EBF2: variants seen among roughly 807,000 people sequenced by gnomAD.
EBF2 encodes the protein transcription factor COE2.
In EBF2, 21 loss-of-function variants were observed where a neutral mutation model predicts 72.8. That is an observed-to-expected ratio of 0.29 (90% CI 0.20 to 0.42). EBF2 has a LOEUF of 0.42. EBF2 is among the 10% of genes least tolerant of loss of function. The pLI is 1.00. For synonymous variants in EBF2, 299 were observed against 274.2 expected (o/e 1.09, Z -0.89); for missense variants, 637 against 731.2 (o/e 0.87, Z 1.49).
At chr8:25,986,483 C>T (rs531611725) in intron 6 of EBF2, among the ~76,000 whole-genome samples, 18 of 152,298 alleles carry the variant, frequency 1.2e-4, no homozygotes, top group East Asian at 1.9e-4. Flanking sequence ...ATGTCCACCA[C>T]GGCACCAAAC....
chr8:26,016,838 C>G (rs1009957402), intron 6 of EBF2, among the ~76,000 whole-genome samples: 1 of 152,252 alleles, frequency 6.6e-6, no homozygotes, highest in South Asian at 2.1e-4. Context: ...TGGTTAAGGT[C>G]ATCACTTTTG....
Position 26,045,403 on chromosome 8 carries a change from A to T in EBF2, c.-544T>A, listed in dbSNP as rs550861191. The T allele has an allele frequency of 1.3e-5, 2 of 152,378 alleles. No homozygotes were observed. The highest frequency in any genetic ancestry group is 4.1e-4 in the South Asian group (2 of 4,828). The allele number at this position is 152,378 out of a possible 1,614,324, so 9.4% of individuals were successfully genotyped here. On this transcript the variant is annotated 5_prime_UTR_variant, in exon 1 of 16. Transcript: ENST00000520164. Reference sequence around the variant, plus strand: ...CGCGCGCGGGCCCCATGAATGGGTTACTACGGCCCTGGCTGCGGGAGGCGG... The same window carrying T: ...CGCGCGCGGGCCCCATGAATGGGTTTCTACGGCCCTGGCTGCGGGAGGCGG...
chr8:26,009,423 G>T (rs1279457149), intron 6 of EBF2, among the ~76,000 whole-genome samples: 1 of 152,136 alleles, frequency 6.6e-6, no homozygotes, highest in Non-Finnish European at 1.5e-5. Context: ...ACAAATAACT[G>T]CAAGAATCAG....
chr8:25,892,708 A>C (rs1276054166), intron 7 of EBF2, among the ~76,000 whole-genome samples: 1 of 152,250 alleles, frequency 6.6e-6, no homozygotes, highest in Admixed American at 6.5e-5. Context: ...TGGTGGTAAC[A>C]TATGCAAAAT....
At chr8:25,931,892 A>G (rs1274286600) in intron 6 of EBF2, among the ~76,000 whole-genome samples, 10 of 151,186 alleles carry the variant, frequency 6.6e-5, no homozygotes, top group Admixed American at 6.6e-4. Flanking sequence ...TGAGCTTATT[A>G]TTAAATATAT....
chr8:25,857,228 C>T (rs986379376), intron 14 of EBF2, among the ~76,000 whole-genome samples: 4 of 152,188 alleles, frequency 2.6e-5, no homozygotes, highest in African/African-American at 4.8e-5. Flanking sequence ...TACTACCCTT[C>T]GCTGCTTGGT....
At chr8:25,860,934 CCTAT>C in intron 13 of EBF2, 111 bp downstream of exon 13, 2 of 1,099,834 alleles carry the variant, frequency 1.8e-6, no homozygotes, top group Non-Finnish European at 2.7e-6. Context: ...GATTGTATTG[CCTAT>C]CTGTGGACAC....
At chr8:25,963,791 A>C (rs964013211) in intron 6 of EBF2, among the ~76,000 whole-genome samples, 5 of 152,206 alleles carry the variant, frequency 3.3e-5, no homozygotes, top group Non-Finnish European at 5.9e-5. Flanking sequence ...ATTGAATGGA[A>C]TATGTGGATT....
chr8:25,940,681 G>C (rs1803654693), intron 6 of EBF2, among the ~76,000 whole-genome samples: 1 of 151,324 alleles, frequency 6.6e-6, no homozygotes, highest in Non-Finnish European at 1.5e-5. Context: ...TCTTCTTAGT[G>C]GGCCATCCAA....
At chr8:25,962,259 A>C (rs1239121228) in intron 6 of EBF2, among the ~76,000 whole-genome samples, 1 of 152,162 alleles carries the variant, frequency 6.6e-6, no homozygotes, top group Non-Finnish European at 1.5e-5. Flanking sequence ...TGTAAGCAAT[A>C]TGAGTGCAGG....
intron 6 of EBF2, among the ~76,000 whole-genome samples, chr8:25,989,606 A>G (rs896713940): frequency 6.6e-6 from 1 of 152,230 alleles, no homozygotes; most frequent in Non-Finnish European, 1.5e-5. Flanking sequence ...ATTCAGATAC[A>G]TGACAACGCA....
intron 6 of EBF2, among the ~76,000 whole-genome samples, chr8:25,996,836 G>A (rs995706308): frequency 6.6e-6 from 1 of 152,122 alleles, no homozygotes; most frequent in Non-Finnish European, 1.5e-5. Context: ...TACCTCATTA[G>A]TAATGAAAAA....
rs180769469 is a variant in EBF2, at chr8:26,038,230, T to C, written c.482+1798A>G. Among the ~76,000 whole-genome samples the C allele has an allele frequency of 7.9e-5, 12 of 152,370 alleles. No individual in the cohort carries two copies. The East Asian group carries it at 2.1e-3, about 27-fold the overall frequency. ...GTATCCATCCAATGGATCATTTATT[T>C]ACACATAATTAATATTTATTTTAAA... is the stretch of plus-strand genomic sequence containing the variant. On this transcript the variant is annotated intron_variant, in intron 5 of 15. Coordinates refer to ENST00000520164, the MANE Select transcript of EBF2 (RefSeq NM_022659.4).
chr8:25,887,716 A>T, intron 9 of EBF2, 126 bp downstream of exon 9: 3 of 1,165,894 alleles, frequency 2.6e-6, no homozygotes, highest in Non-Finnish European at 3.4e-6. Context: ...TTATCTTCTT[A>T]AGAAACCCAT....
intron 6 of EBF2, among the ~76,000 whole-genome samples, chr8:26,013,437 A>C (rs549624635): frequency 2.0e-5 from 3 of 152,264 alleles, no homozygotes; most frequent in Middle Eastern, 3.4e-3. Flanking sequence ...GAGTGCATTG[A>C]AGAAGGAATA....
At chr8:25,852,147 G>A (rs557744721) in intron 14 of EBF2, among the ~76,000 whole-genome samples, 11 of 152,264 alleles carry the variant, frequency 7.2e-5, no homozygotes, top group African/African-American at 9.6e-5. Flanking sequence ...GGAGAACAAA[G>A]TTCTGGAAGA....
intron 6 of EBF2, among the ~76,000 whole-genome samples, chr8:25,943,937 C>A (rs1381135177): frequency 6.6e-6 from 1 of 152,148 alleles, no homozygotes; most frequent in Admixed American, 6.5e-5. Context: ...CAGCTTTCAG[C>A]CAGAGGGAGA....
chr8:25,944,842 T>C (rs998145525), intron 6 of EBF2, among the ~76,000 whole-genome samples: 1 of 151,442 alleles, frequency 6.6e-6, no homozygotes, highest in Admixed American at 6.6e-5. Context: ...TATATACACA[T>C]ATGGTGATTT....
At chr8:26,018,496 C>CAAAAAAAAAAAAAAAAAA (rs10555042) in intron 6 of EBF2, among the ~76,000 whole-genome samples, 1 of 81,620 alleles carries the variant, frequency 1.2e-5, no homozygotes, top group African/African-American at 5.1e-5. Context: ...ACTAAAAATA[C>CAAAAAAAAAAAAAAAAAA]AAAAAAAAAA....
Sources: gnomAD v4.1 joint callset for allele counts (sites outside exome capture counted in the v4.1 genomes callset) on GRCh38, gnomAD v4.1.1 for gene constraint, MANE v1.5 for transcripts, NCBI Gene and HGNC (gene_info 2026-07-23, HGNC 2026-07-21) for gene names.